CNTRL: variants seen among roughly 807,000 people sequenced by gnomAD.
CNTRL encodes the protein 110 kDa centrosomal protein.
A neutral mutation model predicts 303.7 loss-of-function variants in CNTRL; 233 were observed. That is an observed-to-expected ratio of 0.77 (90% CI 0.69 to 0.86). CNTRL has a LOEUF of 0.86. CNTRL is among the 40% of genes least tolerant of loss of function. The pLI, the probability that CNTRL is intolerant of heterozygous loss-of-function variation, is 0.00. For missense variants in CNTRL, 2,524 were observed against 2,650.6 expected (o/e 0.95, Z 1.05); for synonymous variants, 900 against 922.2 (o/e 0.98, Z 0.44).
intron 2 of CNTRL, among the ~76,000 whole-genome samples, chr9:121,084,435 ATG>A (rs1014164132): frequency 1.3e-5 from 2 of 152,206 alleles, no homozygotes; most frequent in African/African-American, 4.8e-5. Flanking sequence ...CATTCAATAA[ATG>A]TTAATTATTT....
chr9:121,103,676 C>T (rs1308236085), intron 7 of CNTRL, among the ~76,000 whole-genome samples: 1 of 152,146 alleles, frequency 6.6e-6, no homozygotes, highest in South Asian at 2.1e-4. Flanking sequence ...TATCCAGAAT[C>T]TACAAAGAAC....
At chr9:121,132,855 C>G (rs777968997) in intron 14 of CNTRL, among the ~76,000 whole-genome samples, 5 of 152,184 alleles carry the variant, frequency 3.3e-5, no homozygotes, top group Non-Finnish European at 5.9e-5. Context: ...TAAGGCTATT[C>G]CTTTCTGTTT....
chr9:121,152,125 C>G (rs1011165858), intron 25 of CNTRL: 2 of 197,854 alleles, frequency 1.0e-5, no homozygotes, highest in East Asian at 2.4e-4. Context: ...AAAACCCAGG[C>G]AAAACACCTC....
intron 12 of CNTRL, among the ~76,000 whole-genome samples, chr9:121,121,358 G>A (rs1354864474): frequency 1.3e-5 from 2 of 152,128 alleles, no homozygotes; most frequent in Non-Finnish European, 1.5e-5. Context: ...TTTAGAAAGA[G>A]GTGGAGCCCT....
In CNTRL at chr9:121,160,133, T is replaced by TC. The variant is rs755580079; in HGVS notation, c.4930-9dup. On this transcript the variant is annotated splice_polypyrimidine_tract_variant and intron_variant, in intron 31 of 43. Transcript: ENST00000373855. The stretch of plus-strand genomic sequence containing the variant: ...ACAGGAGGGAATAACTTTTTTTTTT[T>TC]CAAACACAGGAAGTAAAATCTCTTC... The TC allele has an allele frequency of 3.2e-5, 46 of 1,449,848 alleles. No individual in the cohort carries two copies. Among genetic ancestry groups the TC allele is most frequent in the Non-Finnish European group, 3.9e-5 (43 of 1,101,240 alleles). The allele number at this position is 1,449,848 out of a possible 1,614,324, so 89.8% of individuals were successfully genotyped here.
Position 121,102,134 on chromosome 9 carries a change from C to T in CNTRL, c.808+3562C>T, listed in dbSNP as rs1283299447. Among the ~76,000 whole-genome samples the T allele has an allele frequency of 2.0e-5, 3 of 152,122 alleles. No homozygotes were observed. The South Asian group carries it at 6.2e-4, about 32-fold the overall frequency. On this transcript the variant is annotated intron_variant, in intron 7 of 43. Coordinates refer to ENST00000373855, the MANE Select transcript of CNTRL (RefSeq NM_007018.6). Reference sequence around the variant, plus strand: ...TTAGACCAATATCCCTGATGAACATCGATGTGAAAATTCTCAATAAAATAC... The same window carrying T: ...TTAGACCAATATCCCTGATGAACATTGATGTGAAAATTCTCAATAAAATAC...
At chr9:121,113,748 C>A (rs960225406) in intron 10 of CNTRL, 24 bp downstream of exon 10, 3 of 1,403,908 alleles carry the variant, frequency 2.1e-6, no homozygotes, top group East Asian at 2.7e-5. Flanking sequence ...ATTTTAAATT[C>A]TTTAAAAAAA....
intron 8 of CNTRL, chr9:121,111,122 A>G (rs2049728082): frequency 6.6e-6 from 1 of 152,130 alleles, no homozygotes; most frequent in African/African-American, 2.4e-5. Flanking sequence ...TCGGAGACTT[A>G]TGATCATTCA....
chr9:121,149,551 G>A (rs962938380), intron 24 of CNTRL, among the ~76,000 whole-genome samples: 10 of 151,886 alleles, frequency 6.6e-5, no homozygotes, highest in African/African-American at 2.2e-4. Flanking sequence ...GATTACAGGC[G>A]TGCACCACCA....
rs544630801 is a variant in CNTRL, at chr9:121,158,904, A to G, written c.4814A>G (p.His1605Arg). The change falls in exon 31 of 44, where the codon CAT becomes CGT. Residue 1605 changes from histidine (H) to arginine (R), a missense_variant. Transcript: ENST00000373855. Reference sequence around the variant, plus strand: ...GCTGTCTTGGACAGGCAGTTAGGGCATAAAAAGGAGGAGCTGCATCTACTC... The same window carrying G: ...GCTGTCTTGGACAGGCAGTTAGGGCGTAAAAAGGAGGAGCTGCATCTACTC... ...EMAVLDRQLG[H>R]KKEELHLLQG... 3 of 1,614,144 alleles carry G rather than the reference A, an allele frequency of 1.9e-6. No individual in the cohort carries two copies.
rs1443854950 is a variant in CNTRL, at chr9:121,143,826, T to TA, written c.2872-76dup. The TA allele has an allele frequency of 4.0e-5, 47 of 1,172,308 alleles. No individual in the cohort carries two copies. In the East Asian group the frequency reaches 1.2e-3, roughly 29 times the overall value. 72.6% of individuals were successfully genotyped at this position (1,172,308 alleles called of 1,614,324 possible). On this transcript the variant is annotated intron_variant, in intron 19 of 43. Transcript: ENST00000373855. ...TCTAGGCAGCAGTGAACAGAGTCCC[T>TA]ACCCTCCTGGAGCTTACATCTGAAT...
intron 2 of CNTRL, among the ~76,000 whole-genome samples, chr9:121,082,144 G>T (rs1028386882): frequency 4.6e-5 from 7 of 152,170 alleles, no homozygotes; most frequent in Admixed American, 3.9e-4. Context: ...TCACAAATTG[G>T]GCAGCCCTCA....
intron 9 of CNTRL, among the ~76,000 whole-genome samples, chr9:121,112,974 C>T (rs1206470654): frequency 7.2e-5 from 11 of 152,154 alleles, no homozygotes; most frequent in Non-Finnish European, 1.5e-5. Context: ...ATTAATCAAT[C>T]ATGACTGGTA....
intron 12 of CNTRL, among the ~76,000 whole-genome samples, chr9:121,120,120 G>A (rs544806371): frequency 1.3e-5 from 2 of 148,440 alleles, no homozygotes; most frequent in African/African-American, 5.0e-5. Context: ...AATAATAGGG[G>A]TTTTTTTTTT....
chr9:121,132,589 G>T (rs1429735702), intron 14 of CNTRL, among the ~76,000 whole-genome samples: 1 of 152,112 alleles, frequency 6.6e-6, no homozygotes, highest in Non-Finnish European at 1.5e-5. Context: ...TCGTCCTTTA[G>T]CTTGAAGAAG....
At chr9:121,148,947 C>T (rs2052040949) in intron 24 of CNTRL, 86 bp downstream of exon 24, 1 of 1,246,082 alleles carries the variant, frequency 8.0e-7, no homozygotes, top group Admixed American at 2.2e-5. Flanking sequence ...AAGACACAAT[C>T]CAGACTCCTT....
At chr9:121,141,314 A>G in intron 17 of CNTRL, 67 bp from the exon 18 acceptor site, 1 of 1,245,288 alleles carries the variant, frequency 8.0e-7, no homozygotes, top group Admixed American at 1.7e-5. Context: ...TAAAGTTAAT[A>G]GCATGTTTGC....
rs199887339 is a variant in CNTRL, at chr9:121,150,440, C to A, written c.3920C>A (p.Pro1307His). The A allele has an allele frequency of 6.2e-7, 1 of 1,614,160 alleles. No homozygotes were observed. Among genetic ancestry groups the A allele is most frequent in the Non-Finnish European group, 8.5e-7 (1 of 1,180,040 alleles). The change falls in exon 25 of 44, where the codon CCT becomes CAT. Residue 1307 changes from proline to histidine, a missense_variant. By Grantham distance (77) the Pro-to-His change is moderately conservative. Transcript: ENST00000373855. Reference protein sequence around the residue: ...PPPNFSIPFIPMGVLHCNVPE... With the variant: ...PPPNFSIPFIHMGVLHCNVPE... ...CCCAACTTCTCCATCCCCTTCATCC[C>A]TATGGGTGTGCTGCATTGCAACGTC...
chr9:121,135,355 A>G (rs1020367562), intron 14 of CNTRL, among the ~76,000 whole-genome samples: 2 of 152,172 alleles, frequency 1.3e-5, no homozygotes, highest in Non-Finnish European at 2.9e-5. Context: ...AGCCCTGTGC[A>G]ATTTACTTAG....
Sources: allele counts gnomAD v4.1 joint callset (sites outside exome capture counted in the v4.1 genomes callset), GRCh38; gene constraint gnomAD v4.1.1; transcripts MANE v1.5; gene names NCBI Gene and HGNC (gene_info 2026-07-23, HGNC 2026-07-21).